Variants in WDR4 observed in about 807,000 individuals in gnomAD.
WDR4 encodes tRNA (guanine-N(7)-)-methyltransferase non-catalytic subunit WDR4.
Under a neutral mutation model 48.6 loss-of-function variants are expected in WDR4, and 47 were observed. That is an observed-to-expected ratio of 0.97 (90% confidence interval 0.77 to 1.23). WDR4 has a LOEUF of 1.23. WDR4 is among the 50% of genes most tolerant of loss of function. The probability of loss-of-function intolerance (pLI) is 0.00; values close to 1 mark genes in which losing one functional copy is unlikely to be tolerated. For missense variants in WDR4, 606 were observed against 551.6 expected (o/e 1.10, Z -0.99); for synonymous variants, 268 against 230.0 (o/e 1.17, Z -1.49).
At chr21:42,890,313 A>G in the WDR4 span, among the ~76,000 whole-genome samples, 1 of 152,172 alleles carries the variant, frequency 6.6e-6, no homozygotes, top group South Asian at 2.1e-4. Flanking sequence ...GAGGTGGGGG[A>G]TCACAAGGTC....
chr21:42,875,247 CA>C (rs1287456808), intron 2 of WDR4, among the ~76,000 whole-genome samples: 1 of 152,002 alleles, frequency 6.6e-6, no homozygotes, highest in Non-Finnish European at 1.5e-5. Flanking sequence ...CACGTCTCTA[CA>C]AAAAACTACA....
chr21:42,858,042 A>C (rs1602712829), intron 6 of WDR4, among the ~76,000 whole-genome samples: 2 of 152,158 alleles, frequency 1.3e-5, no homozygotes, highest in Admixed American at 6.5e-5. Flanking sequence ...CAGTGAACCG[A>C]GATCACGCCA....
chr21:42,877,664 G>T (rs73233314), intron 1 of WDR4, among the ~76,000 whole-genome samples: 27,488 of 151,848 alleles, frequency 0.18, 3,357 homozygotes, highest in African/African-American at 0.35. Context: ...GGAAAAAAAA[G>T]TTCAGTAAAA....
chr21:42,848,927 C>T (rs1477677623), downstream of WDR4, among the ~76,000 whole-genome samples: 3 of 112,808 alleles, frequency 2.7e-5, no homozygotes, highest in South Asian at 6.6e-4. Flanking sequence ...TCACGCGGCG[C>T]GCACCTCACA....
chr21:42,875,348 G>A (rs1233240808), intron 2 of WDR4, among the ~76,000 whole-genome samples: 1 of 151,982 alleles, frequency 6.6e-6, no homozygotes, highest in South Asian at 2.1e-4. Context: ...TCAGGAGATC[G>A]AGACCATCCT....
chr21:42,866,791 C>T lies in WDR4; in HGVS notation c.297-3195G>A, dbSNP rs2058257472. Among the ~76,000 whole-genome samples the T allele has an allele frequency of 2.0e-5, 3 of 152,060 alleles. 1 individual carries two copies. In the South Asian group the frequency reaches 6.2e-4, roughly 32 times the overall value. ...GAAAGGGTAACAATTTCACTCCACCCGATGCTGAAAAGTTCACAAACCCAC... is the reference window on the plus strand; with the variant it reads ...GAAAGGGTAACAATTTCACTCCACCTGATGCTGAAAAGTTCACAAACCCAC... On this transcript the variant is annotated intron_variant, in intron 3 of 10. Coordinates refer to ENST00000398208, the MANE Select transcript of WDR4 (RefSeq NM_018669.6).
Position 42,849,699 on chromosome 21 carries a change from T to C in WDR4, c.*350A>G, listed in dbSNP as rs916926977. ...AGAAACGTCAGCCCACAGATGCTCC[T>C]AGAGGAAGATGCAGCGGACACGAAG... On this transcript the variant is annotated 3_prime_UTR_variant, in exon 11 of 11. Coordinates refer to ENST00000398208, the MANE Select transcript of WDR4 (RefSeq NM_018669.6). 7.9e-5 allele frequency: 17 copies of C among 214,348 alleles called. No individual in the cohort carries two copies. The highest frequency in any genetic ancestry group is 1.6e-4 in the Non-Finnish European group (17 of 107,666). The allele number at this position is 214,348 out of a possible 1,614,324, so 13.3% of individuals were successfully genotyped here. A position where few individuals can be genotyped will look rare whatever the true frequency, so the allele number is the denominator to read the frequency against.
intron 3 of WDR4, among the ~76,000 whole-genome samples, chr21:42,872,564 T>C (rs34017520): frequency 0.046 from 6,520 of 141,372 alleles, 203 homozygotes; most frequent in Non-Finnish European, 0.068. Flanking sequence ...TGAGCCAAGA[T>C]CACACCACCG....
chr21:42,863,219 C>T (rs934498508), intron 4 of WDR4, among the ~76,000 whole-genome samples: 3 of 152,196 alleles, frequency 2.0e-5, no homozygotes, highest in African/African-American at 7.2e-5. Flanking sequence ...TACGGGGGAG[C>T]CCCATTCTCC....
rs1241550615 is a variant in WDR4, at chr21:42,862,583, C to T, written c.454-189G>A. On this transcript the variant is annotated intron_variant, in intron 4 of 10. Coordinates refer to ENST00000398208, the MANE Select transcript of WDR4 (RefSeq NM_018669.6). This position sits in a 1 kb window ranked among gnomAD's most constrained non-coding sequence, Gnocchi z 4.3. ...ATTGGTGGCCCTCATTCTCCCTCCC[C>T]AGAGGGTCCCTGGCCACCTCTAGCC... Among the ~76,000 whole-genome samples, 1 of 152,190 alleles carries T rather than the reference C, an allele frequency of 6.6e-6. No individual in the cohort carries two copies. Among genetic ancestry groups the T allele is most frequent in the Non-Finnish European group, 1.5e-5 (1 of 68,018 alleles).
At chr21:42,859,283 G>A (rs73231696) in intron 6 of WDR4, among the ~76,000 whole-genome samples, 3,961 of 151,790 alleles carry the variant, frequency 0.026, 81 homozygotes, top group South Asian at 0.1. Context: ...GAAAGAAAAG[G>A]AAAAAAAATG....
chr21:42,854,237 C>G (rs940704515), intron 8 of WDR4, among the ~76,000 whole-genome samples: 1 of 152,236 alleles, frequency 6.6e-6, no homozygotes, highest in Non-Finnish European at 1.5e-5. Flanking sequence ...GGTTCCCATC[C>G]GACCAGCCCC....
At chr21:42,875,026 C>A (rs2058460302) in intron 2 of WDR4, among the ~76,000 whole-genome samples, 1 of 152,170 alleles carries the variant, frequency 6.6e-6, no homozygotes, top group Admixed American at 6.5e-5. Flanking sequence ...CCCCCGGACG[C>A]CCAGCTTTAA....
At chr21:42,852,052 C>A (rs2057843753) in intron 10 of WDR4, among the ~76,000 whole-genome samples, 1 of 152,208 alleles carries the variant, frequency 6.6e-6, no homozygotes, top group Non-Finnish European at 1.5e-5. Context: ...CTCTCGTTAG[C>A]CTGACTCCCA....
chr21:42,865,945 A>G (rs2058235770), intron 3 of WDR4, among the ~76,000 whole-genome samples: 1 of 152,050 alleles, frequency 6.6e-6, no homozygotes, highest in Admixed American at 6.6e-5. Context: ...CAGCCCCAAC[A>G]GGGCACTGAG....
At chr21:42,890,813 T>TTGTC in the WDR4 span, among the ~76,000 whole-genome samples, 90,817 of 151,550 alleles carry the variant, frequency 0.6, 27,947 homozygotes, top group African/African-American at 0.71. Flanking sequence ...AATAATGTAT[T>TTGTC]TGGCCTCTGC....
At chr21:42,852,418 G>A (rs1215650977) in intron 9 of WDR4, 94 bp from the exon 10 acceptor site, 1 of 1,421,744 alleles carries the variant, frequency 7.0e-7, no homozygotes, top group East Asian at 2.4e-5. Context: ...GAGGCTTGCA[G>A]GGGAGGTCCC....
At chr21:42,849,006 G>C (rs1265529163), downstream of WDR4, among the ~76,000 whole-genome samples, 4 of 117,684 alleles carry the variant, frequency 3.4e-5, no homozygotes, top group Non-Finnish European at 1.8e-5. Context: ...CTCACACACA[G>C]CGCACGATCA....
At chr21:42,853,305 T>C (rs904383453) in intron 9 of WDR4, among the ~76,000 whole-genome samples, 7 of 152,064 alleles carry the variant, frequency 4.6e-5, no homozygotes, top group Non-Finnish European at 8.8e-5. Flanking sequence ...AAGTGTGGTG[T>C]GGGGGGCCAC....
Sources: allele counts gnomAD v4.1 joint callset (sites outside exome capture counted in the v4.1 genomes callset), GRCh38; gene constraint gnomAD v4.1.1; non-coding constraint Gnocchi (gnomAD v3.1); transcripts MANE v1.5; gene names NCBI Gene and HGNC (gene_info 2026-07-23, HGNC 2026-07-21).